The following SPG7 variants were observed in gnomAD, a reference collection of about 807,000 sequenced individuals.
SPG7 encodes the protein mitochondrial inner membrane m-AAA protease component paraplegin.
Under a neutral mutation model 81.9 loss-of-function variants are expected in SPG7, and 103 were observed. The observed-to-expected ratio is 1.26, with a 90% confidence interval of 1.07 to 1.48. The LOEUF (loss-of-function observed/expected upper bound fraction) is 1.48, where lower values mean the gene tolerates loss of function less well. Ranked by LOEUF, SPG7 falls within the 40% of genes most tolerant of loss-of-function variation. SPG7 has a pLI of 0.00. For missense variants in SPG7, 1,241 were observed against 1,087.3 expected (o/e 1.14, Z -1.99); for synonymous variants, 534 against 444.2 (o/e 1.20, Z -2.54).
intron 11 of SPG7, chr16:89,546,968 G>A (rs572447127): frequency 9.0e-6 from 5 of 558,030 alleles, no homozygotes; most frequent in African/African-American, 5.6e-5. Context: ...CCGCCCCGGG[G>A]TGGAAAAGCA....
rs747902707 is a variant in SPG7 at position 89,513,022 on chromosome 16, C to A, written c.361C>A (p.Pro121Thr). The change falls in exon 3 of 17, where the codon CCT becomes ACT. Residue 121 changes from proline (P) to threonine (T), a missense_variant. Coordinates refer to ENST00000645818, the MANE Select transcript of SPG7 (RefSeq NM_003119.4). ...KEKDKSKGKAPEEDEEERRRR... is the reference protein window; with the variant it reads ...KEKDKSKGKATEEDEEERRRR... ...GAAGGATAAGTCGAAGGGGAAGGCG[C>A]CTGAAGAGGACGAAGGTATATTCAT... The A allele has an allele frequency of 5.0e-6, 8 of 1,611,522 alleles. No individual in the cohort carries two copies. Among genetic ancestry groups the A allele is most frequent in the Non-Finnish European group, 5.9e-6 (7 of 1,178,526 alleles).
At chr16:89,516,447 A>T (rs2058097706) in intron 3 of SPG7, among the ~76,000 whole-genome samples, 1 of 151,938 alleles carries the variant, frequency 6.6e-6, no homozygotes, top group Non-Finnish European at 1.5e-5. Context: ...GCTACTCCGG[A>T]GTCTGAGGCG....
In SPG7 at chr16:89,557,087, C is replaced by A; in HGVS notation, c.2382C>A (p.Pro794=). 6.2e-7 allele frequency: 1 copy of A among 1,611,042 alleles called. No individual in the cohort carries two copies. The highest frequency in any genetic ancestry group is 1.1e-5 in the South Asian group (1 of 90,976). The change falls in exon 17 of 17, where the codon CCC becomes CCA. Residue 794 remains proline, a synonymous_variant. Coordinates refer to ENST00000645818, the MANE Select transcript of SPG7 (RefSeq NM_003119.4). ...TTGGAGGCGAAGAGCCGACTTGGCCCAAGTAGTTGGGAGGTGTTGGCTGCA... is the reference window on the plus strand; with the variant it reads ...TTGGAGGCGAAGAGCCGACTTGGCCAAAGTAGTTGGGAGGTGTTGGCTGCA... The part of the protein sequence containing the change: ...PPLGGEEPTW[P]K
intron 5 of SPG7, 68 bp from the exon 6 acceptor site, chr16:89,529,409 G>C (rs2152401964): frequency 9.7e-7 from 1 of 1,027,706 alleles, no homozygotes. Flanking sequence ...CAGTGGTTCT[G>C]ATTTGGAAGC....
At chr16:89,509,132 T>A (rs2057976976) in intron 1 of SPG7, 1 of 373,032 alleles carries the variant, frequency 2.7e-6, no homozygotes, top group Non-Finnish European at 5.4e-6. Flanking sequence ...TTGTTTCAGG[T>A]TCTGCTAAGG....
In SPG7 at chr16:89,508,468, G is replaced by C; in HGVS notation, c.51G>C (p.Pro17=). The C allele has an allele frequency of 6.6e-7, 1 of 1,507,608 alleles. No homozygotes were observed. The highest frequency in any genetic ancestry group is 8.8e-7 in the Non-Finnish European group (1 of 1,135,070). The allele number at this position is 1,507,608 out of a possible 1,614,324, so 93.4% of individuals were successfully genotyped here. A position where few individuals can be genotyped will look rare whatever the true frequency, so the allele number is the denominator to read the frequency against. ...LLRALRRGPG[P]GPRPLWGPGP... ...GTGCCCTCCGCCGGGGTCCAGGCCC[G>C]GGTCCTCGGCCGCTGTGGGGCCCAG... The change falls in exon 1 of 17, where the codon CCG becomes CCC. Residue 17 remains proline (P), a synonymous_variant. Transcript: ENST00000645818.
At chr16:89,541,377 C>T (rs1292146410) in intron 9 of SPG7, 10 of 944,254 alleles carry the variant, frequency 1.1e-5, no homozygotes, top group East Asian at 1.2e-4. Context: ...TATCGTATGA[C>T]TCCACTTGTA....
chr16:89,516,279 C>T (rs763483117), intron 3 of SPG7, among the ~76,000 whole-genome samples: 16 of 151,996 alleles, frequency 1.1e-4, no homozygotes, highest in South Asian at 2.1e-4. Flanking sequence ...TGAGCCACCA[C>T]GCCCGGCCGT....
At chr16:89,548,989 G>T in intron 12 of SPG7, 2 of 455,524 alleles carry the variant, frequency 4.4e-6, no homozygotes, top group Non-Finnish European at 8.8e-6. Flanking sequence ...GGTCCCCAGG[G>T]CTTCAGCTTG....
At chr16:89,524,709 T>C (rs973459176) in intron 4 of SPG7, among the ~76,000 whole-genome samples, 3 of 151,866 alleles carry the variant, frequency 2.0e-5, no homozygotes. Flanking sequence ...CCTCCCAAAG[T>C]GCTGGGATTA....
Position 89,557,206 on chromosome 16 carries a change from C to G in SPG7, c.*113C>G, listed in dbSNP as rs2058696446. ...CTTCCTCTCGCGGCCCTCAGTAGTCCCTGCACAGTGACTTCTGAGATCTGT... is the reference window on the plus strand; with the variant it reads ...CTTCCTCTCGCGGCCCTCAGTAGTCGCTGCACAGTGACTTCTGAGATCTGT... On this transcript the variant is annotated 3_prime_UTR_variant, in exon 17 of 17. Coordinates refer to ENST00000645818, the MANE Select transcript of SPG7 (RefSeq NM_003119.4). 1 of 702,330 alleles carries G rather than the reference C, an allele frequency of 1.4e-6. No homozygotes were observed. Among genetic ancestry groups the G allele is most frequent in the African/African-American group, 1.8e-5 (1 of 56,154 alleles). 43.5% of individuals were successfully genotyped at this position (702,330 alleles called of 1,614,324 possible).
intron 6 of SPG7, chr16:89,530,213 C>G (rs2058322922): frequency 3.2e-6 from 1 of 314,454 alleles, no homozygotes; most frequent in Admixed American, 4.8e-5. Context: ...GGTGCGATCT[C>G]AGCTCACTGC....
At chr16:89,521,140 G>C (rs568502765) in intron 3 of SPG7, 4 of 152,358 alleles carry the variant, frequency 2.6e-5, no homozygotes, top group Admixed American at 2.6e-4. Context: ...TGGGTGCTCT[G>C]TTGGCCTCCT....
At chr16:89,523,782 C>G in intron 3 of SPG7, 1 of 693,582 alleles carries the variant, frequency 1.4e-6, no homozygotes, top group Non-Finnish European at 2.6e-6. Context: ...ACTCCTGCTC[C>G]TCACTGAAGT....
chr16:89,508,499 G>C lies in SPG7; in HGVS notation c.82G>C (p.Ala28Pro), dbSNP rs757013711. The change falls in exon 1 of 17, where the codon GCC (alanine) becomes CCC (proline). Residue 28 changes from alanine to proline, a missense_variant. Physicochemically the swap from Ala to Pro is conservative, Grantham distance 27. Transcript: ENST00000645818. The part of the protein sequence containing the change: ...GPRPLWGPGP[A>P]WSPGFPARPG... The stretch of plus-strand genomic sequence containing the variant: ...TCGGCCGCTGTGGGGCCCAGGCCCG[G>C]CCTGGAGTCCAGGGTTCCCCGCCAG... 1 of 1,513,414 alleles carries C rather than the reference G, an allele frequency of 6.6e-7. No homozygotes were observed. The highest frequency in any genetic ancestry group is 1.2e-5 in the South Asian group (1 of 81,722). The allele number at this position is 1,513,414 out of a possible 1,614,324, so 93.7% of individuals were successfully genotyped here. A position where few individuals can be genotyped will look rare whatever the true frequency, so the allele number is the denominator to read the frequency against.
At chr16:89,536,249 G>A (rs1242575341) in intron 9 of SPG7, among the ~76,000 whole-genome samples, 44 of 100,170 alleles carry the variant, frequency 4.4e-4, no homozygotes, top group African/African-American at 1.6e-3. Context: ...GTGGCCTTCA[G>A]TGTGGCCTCT....
intron 2 of SPG7, among the ~76,000 whole-genome samples, chr16:89,511,915 T>TA (rs1266992720): frequency 6.6e-6 from 1 of 150,668 alleles, no homozygotes; most frequent in Non-Finnish European, 1.5e-5. Context: ...TGTTGTTGTT[T>TA]ATTATTATTT....
intron 5 of SPG7, among the ~76,000 whole-genome samples, chr16:89,528,428 TG>T (rs1195461335): frequency 8.0e-5 from 12 of 150,324 alleles, no homozygotes; most frequent in Non-Finnish European, 1.5e-4. Context: ...GATGGAGGTT[TG>T]GGGCAGGCCC....
At chr16:89,547,934 C>T in intron 11 of SPG7, 69 bp from the exon 12 acceptor site, 1 of 1,172,156 alleles carries the variant, frequency 8.5e-7, no homozygotes, top group South Asian at 1.2e-5. Context: ...CCCTTGAGGG[C>T]CCCTTCCTCC....
Sources: gnomAD v4.1 joint callset for allele counts (sites outside exome capture counted in the v4.1 genomes callset) on GRCh38, gnomAD v4.1.1 for gene constraint, MANE v1.5 for transcripts, NCBI Gene and HGNC (gene_info 2026-07-23, HGNC 2026-07-21) for gene names.